Variants in NCAM2 observed in about 807,000 individuals in gnomAD.
NCAM2 encodes N-CAM-2.
NCAM2 carries 30 observed loss-of-function variants against 98.1 expected under a neutral mutation model. That is an observed-to-expected ratio of 0.31 (90% confidence interval 0.23 to 0.41). The LOEUF is 0.41. Among genes scored for constraint, NCAM2 ranks in the 10% least tolerant of loss-of-function variants. The probability of loss-of-function intolerance (pLI) is 1.00; values close to 1 mark genes in which losing one functional copy is unlikely to be tolerated. For missense variants in NCAM2, 867 were observed against 1,005.8 expected (o/e 0.86, Z 1.87); for synonymous variants, 368 against 342.4 (o/e 1.07, Z -0.83).
chr21:21,251,728 T>G lies in NCAM2; in HGVS notation c.56-28850T>G, dbSNP rs376423663. Among the ~76,000 whole-genome samples the G allele has an allele frequency of 1.6e-4, 21 of 134,060 alleles. 1 individual carries two copies. The South Asian group carries it at 5.0e-3, about 32-fold the overall frequency. 87.9% of individuals were successfully genotyped at this position (134,060 alleles called of 152,430 possible). ...GTCTTCTACAATGGTTGAATATCCTTTACCCACTTTTTGATGTTTTTTTTT... is the reference window on the plus strand; with the variant it reads ...GTCTTCTACAATGGTTGAATATCCTGTACCCACTTTTTGATGTTTTTTTTT... On this transcript the variant is annotated intron_variant, in intron 1 of 17. Coordinates refer to ENST00000400546, the MANE Select transcript of NCAM2 (RefSeq NM_004540.5).
At chr21:21,060,773 T>C (rs1338572510) in intron 1 of NCAM2, among the ~76,000 whole-genome samples, 1 of 152,092 alleles carries the variant, frequency 6.6e-6, no homozygotes, top group African/African-American at 2.4e-5. Flanking sequence ...TTTGTTGGCT[T>C]ATTTTAATTG....
At chr21:21,289,135 G>T (rs2073203108) in intron 4 of NCAM2, among the ~76,000 whole-genome samples, 1 of 151,664 alleles carries the variant, frequency 6.6e-6, no homozygotes, top group Non-Finnish European at 1.5e-5. Flanking sequence ...ACACCTAATT[G>T]ATATACTCCT....
chr21:21,143,936 TTAG>T (rs2067221727), intron 1 of NCAM2, among the ~76,000 whole-genome samples: 1 of 152,102 alleles, frequency 6.6e-6, no homozygotes, highest in Non-Finnish European at 1.5e-5. Context: ...CTGAAATTAG[TTAG>T]TAGAAAACTC....
Position 21,537,851 on chromosome 21 carries a change from T to G in NCAM2, c.2408T>G (p.Leu803Trp). ...ETTPLTEPEK[L>W]PLKEEDGKEA... ...TATTATTTTTTATCTTCCAGAAAAT[T>G]GCCTTTAAAGGAAGAAGATGGGAAA... The change falls in exon 18 of 18, where the codon TTG becomes TGG. Residue 803 changes from leucine (L) to tryptophan (W), a missense_variant. Around this residue, in one of 5 missense-constraint regions of NCAM2, gnomAD observed 125 missense variants for 116.1 expected, o/e 1.08. Coordinates refer to ENST00000400546, the MANE Select transcript of NCAM2 (RefSeq NM_004540.5). 1.3e-6 allele frequency: 2 copies of G among 1,494,798 alleles called. No homozygotes were observed. The highest frequency in any genetic ancestry group is 1.8e-6 in the Non-Finnish European group (2 of 1,093,916). The allele number at this position is 1,494,798 out of a possible 1,614,324, so 92.6% of individuals were successfully genotyped here. A position where few individuals can be genotyped will look rare whatever the true frequency, so the allele number is the denominator to read the frequency against.
intron 1 of NCAM2, among the ~76,000 whole-genome samples, chr21:21,133,774 T>TA (rs1195117100): frequency 6.6e-6 from 1 of 152,100 alleles, no homozygotes; most frequent in Non-Finnish European, 1.5e-5. Context: ...CTCATGAAAT[T>TA]AAAAAGGTAT....
At chr21:21,409,348 A>G (rs1357354627) in intron 9 of NCAM2, among the ~76,000 whole-genome samples, 1 of 152,150 alleles carries the variant, frequency 6.6e-6, no homozygotes, top group Non-Finnish European at 1.5e-5. Flanking sequence ...GAAAAAATTG[A>G]TAGGGAATCG....
intron 9 of NCAM2, among the ~76,000 whole-genome samples, chr21:21,391,891 G>A (rs2826826): frequency 0.23 from 34,755 of 151,970 alleles, 4,237 homozygotes; most frequent in East Asian, 0.29. Flanking sequence ...TGCTAAGATT[G>A]TAAGAGCAAT....
In NCAM2 at chr21:21,303,927, G is replaced by A. The variant is rs983625693; in HGVS notation, c.619+11686G>A. Among the ~76,000 whole-genome samples the A allele has an allele frequency of 3.3e-5, 5 of 152,174 alleles. No homozygotes were observed. In the South Asian group the frequency reaches 1.0e-3, roughly 31 times the overall value. On this transcript the variant is annotated intron_variant, in intron 5 of 17. Transcript: ENST00000400546. Reference sequence around the variant, plus strand: ...CAGCATTGATCATTTTTGGTAAAATGTCTTTTCAAATATTTAACGTAGTTT... The same window carrying A: ...CAGCATTGATCATTTTTGGTAAAATATCTTTTCAAATATTTAACGTAGTTT...
At chr21:21,038,553 G>A (rs1364126517) in intron 1 of NCAM2, among the ~76,000 whole-genome samples, 3 of 152,086 alleles carry the variant, frequency 2.0e-5, no homozygotes, top group African/African-American at 7.2e-5. Flanking sequence ...TTTTATAAGA[G>A]GCCTTAATCC....
chr21:21,113,525 A>T (rs1258140293), intron 1 of NCAM2, among the ~76,000 whole-genome samples: 3 of 152,156 alleles, frequency 2.0e-5, no homozygotes, highest in Non-Finnish European at 4.4e-5. Flanking sequence ...TGTGAGACAA[A>T]CTAGTTGCTT....
intron 5 of NCAM2, among the ~76,000 whole-genome samples, chr21:21,312,616 A>G (rs886297152): frequency 1.6e-4 from 21 of 134,538 alleles, no homozygotes; most frequent in Non-Finnish European, 1.3e-4. Flanking sequence ...TTACAGCTAG[A>G]TTTTTTTTCT....
At chr21:21,024,663 G>A (rs1361182356) in intron 1 of NCAM2, among the ~76,000 whole-genome samples, 1 of 152,102 alleles carries the variant, frequency 6.6e-6, no homozygotes, top group Non-Finnish European at 1.5e-5. Flanking sequence ...ATAACCTCAG[G>A]TCAGCAGTTC....
chr21:21,347,253 AT>A (rs1354617207), intron 8 of NCAM2, among the ~76,000 whole-genome samples: 4 of 152,048 alleles, frequency 2.6e-5, no homozygotes, highest in Admixed American at 2.6e-4. Context: ...ACGAATTCCT[AT>A]ATACATACAA....
intron 1 of NCAM2, among the ~76,000 whole-genome samples, chr21:21,272,479 C>A (rs986423887): frequency 7.0e-6 from 1 of 142,532 alleles, no homozygotes; most frequent in South Asian, 2.3e-4. Context: ...GAAAAAAACA[C>A]GCACACATAC....
rs1289651254 is a variant in NCAM2 at position 21,464,001 on chromosome 21, A to G, written c.1655-2605A>G. ...TTTAACCTACAAAGATGAAGAAATC[A>G]TATCTAGAATAATGATCTCTACACT... On this transcript the variant is annotated intron_variant, in intron 12 of 17. Transcript: ENST00000400546. Among the ~76,000 whole-genome samples the G allele has an allele frequency of 3.3e-5, 5 of 152,216 alleles. No homozygotes were observed. In the East Asian group the frequency reaches 9.7e-4, roughly 29 times the overall value.
intron 1 of NCAM2, among the ~76,000 whole-genome samples, chr21:21,043,484 A>G (rs1322892460): frequency 2.0e-5 from 3 of 152,232 alleles, no homozygotes; most frequent in Admixed American, 6.5e-5. Flanking sequence ...TTCAACTGGC[A>G]TGGAATTCAG....
intron 16 of NCAM2, among the ~76,000 whole-genome samples, chr21:21,513,107 T>C (rs1988496185): frequency 6.6e-6 from 1 of 152,112 alleles, no homozygotes; most frequent in Admixed American, 6.6e-5. Flanking sequence ...GGCTAGGACA[T>C]CCAGTACTAC....
At chr21:21,017,880 T>C (rs1020751687) in intron 1 of NCAM2, among the ~76,000 whole-genome samples, 10 of 152,208 alleles carry the variant, frequency 6.6e-5, no homozygotes, top group Non-Finnish European at 1.2e-4. Context: ...TGTGTGTGTA[T>C]ATACTTATAC....
intron 1 of NCAM2, among the ~76,000 whole-genome samples, chr21:21,144,264 G>C (rs114968314): frequency 6.6e-5 from 10 of 151,648 alleles, no homozygotes; most frequent in Non-Finnish European, 1.5e-4. Context: ...CCAGAAAATT[G>C]CTTGAACCCA....
Sources: allele counts gnomAD v4.1 joint callset (sites outside exome capture counted in the v4.1 genomes callset), GRCh38; gene constraint gnomAD v4.1.1; regional missense constraint gnomAD v4.1.1; transcripts MANE v1.5; gene names NCBI Gene and HGNC (gene_info 2026-07-23, HGNC 2026-07-21).